FBXO34: variants seen among roughly 807,000 people sequenced by gnomAD.
FBXO34 encodes the protein F-box protein 34, also known as F-box only protein 34.
A neutral mutation model predicts 24.5 loss-of-function variants in FBXO34; 12 were observed. That is an observed-to-expected ratio of 0.49 (90% CI 0.31 to 0.79). The LOEUF (loss-of-function observed/expected upper bound fraction) is 0.79. FBXO34 is among the 30% of genes least tolerant of loss of function. FBXO34 has a pLI of 0.04. For missense variants in FBXO34, 823 were observed against 857.7 expected, an observed-to-expected ratio of 0.96 and a Z score of 0.51; for synonymous variants, 320 against 311.9, an observed-to-expected ratio of 1.03 and a Z score of -0.27.
chr14:55,281,004 C>A (rs545075665), intron 1 of FBXO34, among the ~76,000 whole-genome samples: 1 of 151,988 alleles, frequency 6.6e-6, no homozygotes, highest in African/African-American at 2.4e-5. Context: ...TTAAAAAATA[C>A]GTTAACACAA....
chr14:55,276,432 ATACTT>A (rs1881345008), intron 1 of FBXO34, among the ~76,000 whole-genome samples: 1 of 152,196 alleles, frequency 6.6e-6, no homozygotes, highest in Non-Finnish European at 1.5e-5. Flanking sequence ...ATTTCAAAGT[ATACTT>A]TACACCTAGA....
intron 1 of FBXO34, among the ~76,000 whole-genome samples, chr14:55,303,227 A>G (rs954510986): frequency 5.9e-5 from 9 of 152,172 alleles, no homozygotes; most frequent in Non-Finnish European, 4.4e-5. Context: ...AGATGATGCA[A>G]GAAGGAGCAC....
At chr14:55,330,621 AAAAATT>A (rs1264368057) in intron 1 of FBXO34, among the ~76,000 whole-genome samples, 2 of 152,056 alleles carry the variant, frequency 1.3e-5, no homozygotes, top group African/African-American at 4.8e-5. Context: ...TCTCTACAAA[AAAAATT>A]AAAGTAAAAA....
At chr14:55,425,930 T>C in the FBXO34 span, among the ~76,000 whole-genome samples, 2 of 152,180 alleles carry the variant, frequency 1.3e-5, no homozygotes, top group Non-Finnish European at 2.9e-5. Flanking sequence ...ACCTAGATCT[T>C]ATTCATATAG....
the FBXO34 span, among the ~76,000 whole-genome samples, chr14:55,390,322 C>A: frequency 6.6e-6 from 1 of 152,112 alleles, no homozygotes; most frequent in East Asian, 1.9e-4. Flanking sequence ...CCACTCCCCT[C>A]GGCCTCCCAA....
chr14:55,382,958 A>C, the FBXO34 span, among the ~76,000 whole-genome samples: 1 of 152,266 alleles, frequency 6.6e-6, no homozygotes, highest in Non-Finnish European at 1.5e-5. Context: ...AAACTTTCAA[A>C]ACAAAAAATT....
At chr14:55,415,731 C>T in the FBXO34 span, among the ~76,000 whole-genome samples, 13 of 151,968 alleles carry the variant, frequency 8.6e-5, no homozygotes, top group East Asian at 2.3e-3. Context: ...TTAGGCGTGG[C>T]GGTGGGCGTC....
Position 55,352,645 on chromosome 14 carries a change from G to T in FBXO34, c.*119G>T. On this transcript the variant is annotated 3_prime_UTR_variant, in exon 2 of 2. Transcript: ENST00000313833. ...TCTAGAAGAATCTGTACATCATCAG[G>T]ACTGCATTGCTCAGGCATTTTCTAA... 1 of 842,500 alleles carries T rather than the reference G, an allele frequency of 1.2e-6. No individual in the cohort carries two copies. The highest frequency in any genetic ancestry group is 1.8e-6 in the Non-Finnish European group (1 of 558,038). 52.2% of individuals were successfully genotyped at this position (842,500 alleles called of 1,614,324 possible). A position where few individuals can be genotyped will look rare whatever the true frequency, so the allele number is the denominator to read the frequency against.
chr14:55,361,115 C>T (rs527817341), intron 3 of FBXO34, among the ~76,000 whole-genome samples: 18 of 152,314 alleles, frequency 1.2e-4, no homozygotes, highest in African/African-American at 4.1e-4. Context: ...CCAGATCCAT[C>T]AGAGGAATCA....
chr14:55,382,378 G>T, the FBXO34 span, among the ~76,000 whole-genome samples: 1 of 152,152 alleles, frequency 6.6e-6, no homozygotes, highest in African/African-American at 2.4e-5. Flanking sequence ...AGTGACAGAT[G>T]TAATCATAGC....
At chr14:55,414,964 CTG>C in the FBXO34 span, among the ~76,000 whole-genome samples, 4 of 152,138 alleles carry the variant, frequency 2.6e-5, no homozygotes, top group Non-Finnish European at 5.9e-5. Flanking sequence ...GAGGGGAAAA[CTG>C]TACTACTGTC....
chr14:55,272,125 T>A (rs968854778), intron 1 of FBXO34: 2 of 152,078 alleles, frequency 1.3e-5, no homozygotes, highest in African/African-American at 2.4e-5. Context: ...TGGGTCCGTG[T>A]GTCTGTGACG....
chr14:55,383,992 C>T, the FBXO34 span, among the ~76,000 whole-genome samples: 1 of 152,132 alleles, frequency 6.6e-6, no homozygotes, highest in African/African-American at 2.4e-5. Context: ...AGTGGTTCTT[C>T]GTATCTTTCC....
the FBXO34 span, among the ~76,000 whole-genome samples, chr14:55,421,166 G>A: frequency 6.6e-6 from 1 of 151,990 alleles, no homozygotes; most frequent in Non-Finnish European, 1.5e-5. Context: ...CCTGTATTTG[G>A]CAATTTGCAC....
the FBXO34 span, among the ~76,000 whole-genome samples, chr14:55,421,074 A>AG: frequency 2.4e-4 from 37 of 151,118 alleles, no homozygotes; most frequent in Non-Finnish European, 4.7e-4. Context: ...AAAAAAAAAA[A>AG]AAAAGAAAAA....
intron 1 of FBXO34, among the ~76,000 whole-genome samples, chr14:55,312,883 C>T (rs1343353229): frequency 6.6e-6 from 1 of 152,194 alleles, no homozygotes; most frequent in Non-Finnish European, 1.5e-5. Context: ...TCTGGCATGC[C>T]CTGGAGACAT....
chr14:55,298,949 G>A (rs1307007304), intron 1 of FBXO34: 3 of 1,585,754 alleles, frequency 1.9e-6, no homozygotes, highest in South Asian at 1.1e-5. Context: ...CTGCAGCCAA[G>A]GCCAAGAAGG....
At chr14:55,350,215 T>C (rs1884300478) in intron 1 of FBXO34, among the ~76,000 whole-genome samples, 166 bp from the exon 2 acceptor site, 1 of 152,164 alleles carries the variant, frequency 6.6e-6, no homozygotes, top group Admixed American at 6.5e-5. Context: ...TTTGTTATTC[T>C]TGATATGTGC....
chr14:55,330,632 T>TA (rs908242559), intron 1 of FBXO34, among the ~76,000 whole-genome samples: 2 of 150,990 alleles, frequency 1.3e-5, no homozygotes, highest in Non-Finnish European at 1.5e-5. Context: ...AAAATTAAAG[T>TA]AAAAAAAAAT....
Sources: gnomAD v4.1 joint callset for allele counts (sites outside exome capture counted in the v4.1 genomes callset) on GRCh38, gnomAD v4.1.1 for gene constraint, MANE v1.5 for transcripts, NCBI Gene and HGNC (gene_info 2026-07-23, HGNC 2026-07-21) for gene names.